SEMA6D: variants seen among roughly 807,000 people sequenced by gnomAD.
SEMA6D encodes semaphorin 6D.
In SEMA6D, 35 loss-of-function variants were observed where a neutral mutation model predicts 106.6. That is an observed-to-expected ratio of 0.33 (90% CI 0.25 to 0.44). SEMA6D has a LOEUF of 0.44. Among genes scored for constraint, SEMA6D ranks in the 20% least tolerant of loss-of-function variants. The pLI, the probability that SEMA6D is intolerant of heterozygous loss-of-function variation, is 1.00. For synonymous variants in SEMA6D, 499 were observed against 487.7 expected, an observed-to-expected ratio of 1.02 and a Z score of -0.31; for missense variants, 1,185 against 1,345.9, an observed-to-expected ratio of 0.88 and a Z score of 1.87.
intron 1 of SEMA6D, among the ~76,000 whole-genome samples, chr15:47,741,666 A>G (rs1460749640): frequency 3.3e-5 from 5 of 152,174 alleles, no homozygotes; most frequent in African/African-American, 1.2e-4. Context: ...GTGAGCCGAG[A>G]TCGTGCCATT....
At chr15:47,759,704 T>C (rs1249382636) in intron 1 of SEMA6D, 41 bp from the exon 2 acceptor site, 2 of 882,556 alleles carry the variant, frequency 2.3e-6, no homozygotes, top group East Asian at 4.8e-5. Flanking sequence ...AACCGCTTCA[T>C]TGCAGCATAG....
intron 1 of SEMA6D, among the ~76,000 whole-genome samples, chr15:47,745,313 G>T (rs2081066946): frequency 6.6e-6 from 1 of 152,202 alleles, no homozygotes; most frequent in Non-Finnish European, 1.5e-5. Context: ...GTAGCTGCTA[G>T]TGTGATCCTA....
chr15:47,634,665 AG>A (rs1209753549), intron 4 of SEMA6D, among the ~76,000 whole-genome samples: 1 of 152,180 alleles, frequency 6.6e-6, no homozygotes, highest in African/African-American at 2.4e-5. Flanking sequence ...AGGGTCATTA[AG>A]GAGGCTCAAC....
At chr15:47,312,147 T>TTTTG (rs2036473271) in intron 1 of SEMA6D, among the ~76,000 whole-genome samples, 1 of 7,654 alleles carries the variant, frequency 1.3e-4, no homozygotes, top group Non-Finnish European at 0.011. Flanking sequence ...CTTTCTAGGG[T>TTTTG]TTTTTTTTTT....
chr15:47,387,750 G>A (rs1281414819), intron 1 of SEMA6D, among the ~76,000 whole-genome samples: 3 of 152,120 alleles, frequency 2.0e-5, no homozygotes, highest in Admixed American at 6.6e-5. Flanking sequence ...AGATTTGTGC[G>A]CTCAACAAAC....
intron 4 of SEMA6D, among the ~76,000 whole-genome samples, chr15:47,701,841 G>T (rs998076702): frequency 6.6e-6 from 1 of 152,046 alleles, no homozygotes; most frequent in Non-Finnish European, 1.5e-5. Context: ...TGGTTCTTCA[G>T]GCACAGTACT....
chr15:47,721,032 T>C (rs2079393164), intron 1 of SEMA6D, among the ~76,000 whole-genome samples: 1 of 152,172 alleles, frequency 6.6e-6, no homozygotes, highest in East Asian at 1.9e-4. Context: ...CAAGAAGCAG[T>C]TGGGGTATGC....
chr15:47,211,750 G>A (rs1013903010), intron 1 of SEMA6D, among the ~76,000 whole-genome samples: 5 of 152,062 alleles, frequency 3.3e-5, no homozygotes, highest in African/African-American at 9.6e-5. Flanking sequence ...CTGTCAAGAA[G>A]GTTAGACTAG....
intron 4 of SEMA6D, among the ~76,000 whole-genome samples, chr15:47,675,349 C>T (rs1211627591): frequency 3.3e-5 from 5 of 152,122 alleles, no homozygotes; most frequent in Admixed American, 2.0e-4. Context: ...AGGGTGGGCC[C>T]TCATTCAGTC....
intron 1 of SEMA6D, among the ~76,000 whole-genome samples, chr15:47,292,067 A>G (rs991374980): frequency 2.0e-5 from 3 of 152,248 alleles, no homozygotes; most frequent in African/African-American, 7.2e-5. Context: ...ATTAAAATGA[A>G]TAAGTCATGT....
At chr15:47,226,195 C>T (rs1362164081) in intron 1 of SEMA6D, among the ~76,000 whole-genome samples, 3 of 151,958 alleles carry the variant, frequency 2.0e-5, no homozygotes, top group African/African-American at 7.2e-5. Flanking sequence ...CAAAAATTTC[C>T]AGCAAACCAC....
intron 1 of SEMA6D, among the ~76,000 whole-genome samples, chr15:47,749,242 CA>C (rs1392947752): frequency 3.3e-5 from 5 of 151,926 alleles, no homozygotes; most frequent in African/African-American, 1.2e-4. Flanking sequence ...GCACCATGCC[CA>C]GATAATTTTT....
intron 4 of SEMA6D, among the ~76,000 whole-genome samples, chr15:47,687,779 T>C (rs931913068): frequency 1.3e-5 from 2 of 152,066 alleles, no homozygotes; most frequent in Admixed American, 6.6e-5. Flanking sequence ...CCAGATGTGG[T>C]AAGTTTTTGG....
chr15:47,388,319 T>G (rs1223282127), intron 1 of SEMA6D, among the ~76,000 whole-genome samples: 2 of 152,232 alleles, frequency 1.3e-5, no homozygotes, highest in African/African-American at 4.8e-5. Flanking sequence ...ACCTGTTGTT[T>G]CACTTTCCAC....
At chr15:47,411,505 A>G (rs2040798068) in intron 1 of SEMA6D, among the ~76,000 whole-genome samples, 1 of 152,338 alleles carries the variant, frequency 6.6e-6, no homozygotes, top group East Asian at 1.9e-4. Context: ...GATGGTAAAT[A>G]TAAAACTTAT....
At chr15:47,604,112 T>G in intron 4 of SEMA6D, 1 of 152,220 alleles carries the variant, frequency 6.6e-6, no homozygotes, top group Non-Finnish European at 1.5e-5. Context: ...TGGCAATGAC[T>G]AAGACCATGG....
chr15:47,381,889 G>A (rs149975805), intron 1 of SEMA6D, among the ~76,000 whole-genome samples: 2,210 of 152,214 alleles, frequency 0.015, 43 homozygotes, highest in South Asian at 0.053. Context: ...AATGGTCTTT[G>A]TCCTACTTGG....
intron 1 of SEMA6D, among the ~76,000 whole-genome samples, chr15:47,253,596 C>G (rs1056483115): frequency 6.6e-6 from 1 of 152,126 alleles, no homozygotes; most frequent in African/African-American, 2.4e-5. Flanking sequence ...GTTTTCCCAG[C>G]ACCATTTATT....
At chr15:47,683,285 C>T (rs755888304) in intron 4 of SEMA6D, among the ~76,000 whole-genome samples, 5 of 152,120 alleles carry the variant, frequency 3.3e-5, no homozygotes, top group Non-Finnish European at 7.3e-5. Flanking sequence ...TGCTTAGCTC[C>T]CACTTCCATT....
Sources: gnomAD v4.1 joint callset for allele counts (sites outside exome capture counted in the v4.1 genomes callset) on GRCh38, gnomAD v4.1.1 for gene constraint, MANE v1.5 for transcripts, NCBI Gene and HGNC (gene_info 2026-07-23, HGNC 2026-07-21) for gene names.